Variants in DPP6 observed in about 807,000 individuals in gnomAD.
DPP6 encodes the protein A-type potassium channel modulatory protein DPP6.
A neutral mutation model predicts 122.6 loss-of-function variants in DPP6; 69 were observed. The observed-to-expected ratio is 0.56, with a 90% CI of 0.46 to 0.69. DPP6 has a LOEUF of 0.69. Among genes scored for constraint, DPP6 ranks in the 30% least tolerant of loss-of-function variants. The pLI is 0.00. For missense variants in DPP6, 928 were observed against 1,116.9 expected, an observed-to-expected ratio of 0.83 and a Z score of 2.41; for synonymous variants, 418 against 433.1, an observed-to-expected ratio of 0.97 and a Z score of 0.43.
intron 5 of DPP6, among the ~76,000 whole-genome samples, chr7:154,585,540 G>C (rs1457243222): frequency 6.6e-6 from 1 of 152,202 alleles, no homozygotes; most frequent in Non-Finnish European, 1.5e-5. Flanking sequence ...GTGGTTACCA[G>C]AACCCCCGTG....
chr7:154,328,125 A>T (rs920200707), intron 1 of DPP6, among the ~76,000 whole-genome samples: 2 of 152,158 alleles, frequency 1.3e-5, no homozygotes, highest in African/African-American at 4.8e-5. Context: ...ATAGCCAGAG[A>T]CTAAAAGAAA....
At chr7:154,512,858 T>C (rs1826196959) in intron 3 of DPP6, among the ~76,000 whole-genome samples, 1 of 152,160 alleles carries the variant, frequency 6.6e-6, no homozygotes, top group South Asian at 2.1e-4. Context: ...GAGAATTCAG[T>C]CATTAGACTA....
Position 154,618,602 on chromosome 7 carries a change from T to C in DPP6, c.628-19219T>C, listed in dbSNP as rs1834424751. Among the ~76,000 whole-genome samples, 1 of 152,190 alleles carries C rather than the reference T, an allele frequency of 6.6e-6. No individual in the cohort carries two copies. Among genetic ancestry groups the C allele is most frequent in the Non-Finnish European group, 1.5e-5 (1 of 68,032 alleles). ...GAAACCCACAGAGTTTATGATGTGCTCAGAGCCACGCACAGGATCGCTAGA... is the reference window on the plus strand; with the variant it reads ...GAAACCCACAGAGTTTATGATGTGCCCAGAGCCACGCACAGGATCGCTAGA... On this transcript the variant is annotated intron_variant, in intron 5 of 25. Transcript: ENST00000377770. The surrounding 1 kb of genome is among the most constrained non-coding windows in gnomAD (Gnocchi z 4.1).
At chr7:154,466,494 C>T (rs138082763) in intron 2 of DPP6, among the ~76,000 whole-genome samples, 1 of 152,292 alleles carries the variant, frequency 6.6e-6, no homozygotes, top group Non-Finnish European at 1.5e-5. Context: ...GTATCCTCTC[C>T]CTGCTTTTTC....
chr7:153,793,124 G>A, the DPP6 span, among the ~76,000 whole-genome samples: 4 of 152,134 alleles, frequency 2.6e-5, no homozygotes, highest in Non-Finnish European at 4.4e-5. Flanking sequence ...TTGCTGAAAA[G>A]ATACCTGAAA....
At chr7:154,711,957 C>CAACACACACACAA (rs372325778) in intron 7 of DPP6, among the ~76,000 whole-genome samples, 3 of 149,486 alleles carry the variant, frequency 2.0e-5, no homozygotes, top group Non-Finnish European at 4.5e-5. Context: ...CACACACACA[C>CAACACACACACAA]ACACACACTC....
At chr7:154,777,651 C>T (rs1302181393) in intron 10 of DPP6, among the ~76,000 whole-genome samples, 2 of 151,932 alleles carry the variant, frequency 1.3e-5, no homozygotes, top group Non-Finnish European at 2.9e-5. Flanking sequence ...ATAGCCAGCA[C>T]GATCATTCTG....
intron 7 of DPP6, among the ~76,000 whole-genome samples, chr7:154,673,349 G>A (rs1307334253): frequency 4.6e-5 from 7 of 152,204 alleles, no homozygotes; most frequent in Non-Finnish European, 8.8e-5. Context: ...TGGGTCTGGA[G>A]CCCCTATATC....
In DPP6 at chr7:154,372,075, C is replaced by T. The variant is rs1172250619; in HGVS notation, c.244-74139C>T. Among the ~76,000 whole-genome samples the T allele has an allele frequency of 2.6e-5, 4 of 152,022 alleles. 1 individual carries two copies. The highest frequency in any genetic ancestry group is 6.6e-5 in the Admixed American group (1 of 15,266). ...CCCTAGCAGAGATGAGACCACCCCC[C>T]GGGGAGTGGGGAGAGCCTCAATCAG... On this transcript the variant is annotated intron_variant, in intron 1 of 25. Coordinates refer to ENST00000377770, the MANE Select transcript of DPP6 (RefSeq NM_130797.4).
At chr7:154,704,557 A>G (rs1168343183) in intron 7 of DPP6, among the ~76,000 whole-genome samples, 1 of 152,230 alleles carries the variant, frequency 6.6e-6, no homozygotes. Flanking sequence ...TCTTATTTTA[A>G]GAAATTACCA....
chr7:154,677,151 C>T (rs1344063113), intron 7 of DPP6, among the ~76,000 whole-genome samples: 1 of 152,108 alleles, frequency 6.6e-6, no homozygotes, highest in African/African-American at 2.4e-5. Flanking sequence ...ACTACTTATG[C>T]TATTATTCTG....
the DPP6 span, among the ~76,000 whole-genome samples, chr7:153,856,588 C>T: frequency 6.6e-6 from 1 of 152,180 alleles, no homozygotes; most frequent in Non-Finnish European, 1.5e-5. Flanking sequence ...AAGAGGAATT[C>T]TTTACTGTGG....
chr7:154,285,662 A>G (rs983630869), intron 1 of DPP6, among the ~76,000 whole-genome samples: 24 of 152,240 alleles, frequency 1.6e-4, no homozygotes, highest in Admixed American at 1.3e-3. Flanking sequence ...AGCAGGCCAC[A>G]TGGCCACCTA....
chr7:154,882,863 G>A (rs770209524), intron 21 of DPP6, among the ~76,000 whole-genome samples: 4 of 152,168 alleles, frequency 2.6e-5, no homozygotes, highest in Non-Finnish European at 4.4e-5. Context: ...AGGTGCCCCT[G>A]CCCTATTAAA....
At chr7:154,378,631 A>G (rs1380168336) in intron 1 of DPP6, among the ~76,000 whole-genome samples, 2 of 152,340 alleles carry the variant, frequency 1.3e-5, no homozygotes, top group South Asian at 2.1e-4. Flanking sequence ...TCATAAGGAC[A>G]CTAATCTCAT....
chr7:154,622,977 TAATC>T (rs1440370997), intron 5 of DPP6, among the ~76,000 whole-genome samples: 1 of 152,210 alleles, frequency 6.6e-6, no homozygotes, highest in Non-Finnish European at 1.5e-5. Flanking sequence ...CTGATACAGA[TAATC>T]AATTTCAGTT....
At chr7:154,158,469 TA>T (rs71520167) in intron 1 of DPP6, among the ~76,000 whole-genome samples, 5 of 149,190 alleles carry the variant, frequency 3.4e-5, no homozygotes, top group African/African-American at 7.4e-5. Context: ...TTCCTTTTTT[TA>T]AAAAAAAAAT....
At chr7:154,085,350 T>A (rs10273818) in intron 1 of DPP6, among the ~76,000 whole-genome samples, 1 of 151,970 alleles carries the variant, frequency 6.6e-6, no homozygotes, top group South Asian at 2.1e-4. Context: ...AAAACTCTCT[T>A]GCCTCTTGTA....
At chr7:154,696,028 G>A (rs730066) in intron 7 of DPP6, among the ~76,000 whole-genome samples, 11,091 of 152,236 alleles carry the variant, frequency 0.073, 449 homozygotes, top group South Asian at 0.13. Flanking sequence ...GTGGCAGCAC[G>A]GGCCTTGAAA....
Sources: gnomAD v4.1 joint callset for allele counts (sites outside exome capture counted in the v4.1 genomes callset) on GRCh38, gnomAD v4.1.1 for gene constraint, Gnocchi (gnomAD v3.1) non-coding constraint, MANE v1.5 for transcripts, NCBI Gene and HGNC (gene_info 2026-07-23, HGNC 2026-07-21) for gene names.